The following MELK variants were observed in gnomAD, a reference collection of about 807,000 sequenced individuals.
MELK encodes pEg3 kinase.
Under a neutral mutation model 85.0 loss-of-function variants are expected in MELK, and 81 were observed. That is an observed-to-expected ratio of 0.95 (90% CI 0.80 to 1.15). MELK has a LOEUF of 1.15. Ranked by LOEUF, MELK falls within the 50% of genes most tolerant of loss-of-function variation. MELK has a pLI of 0.00. For missense variants in MELK, 754 were observed against 777.5 expected (o/e 0.97, Z 0.36); for synonymous variants, 252 against 265.0 (o/e 0.95, Z 0.48).
chr9:36,659,039 G>A lies in MELK; in HGVS notation c.1176+1676G>A, dbSNP rs148600421. Among the ~76,000 whole-genome samples, 338 of 152,082 alleles carry A rather than the reference G, an allele frequency of 2.2e-3. 1 individual carries two copies. Among genetic ancestry groups the A allele is most frequent in the African/African-American group, 7.3e-3 (305 of 41,502 alleles). On this transcript the variant is annotated intron_variant, in intron 13 of 17. Coordinates refer to ENST00000298048, the MANE Select transcript of MELK (RefSeq NM_014791.4). ...TGGGACTACAGGTGCCCGCCACCAC[G>A]CCTGGCTAATTTTTTGTATTTTTAG...
intron 4 of MELK, among the ~76,000 whole-genome samples, chr9:36,593,963 C>T (rs1370327176): frequency 8.5e-5 from 13 of 152,144 alleles, no homozygotes; most frequent in African/African-American, 2.9e-4. Context: ...TGAGCCACGG[C>T]GCCTGGCCAA....
chr9:36,648,730 A>G (rs1830438227), intron 11 of MELK, among the ~76,000 whole-genome samples: 1 of 152,246 alleles, frequency 6.6e-6, no homozygotes, highest in African/African-American at 2.4e-5. Context: ...ATCCTACTAT[A>G]TTAGTGGTTG....
At position 36,583,709 on chromosome 9, in the gene MELK, A is replaced by G. The variant is rs1163579354; in HGVS notation, c.141A>G (p.Leu47=). 1.2e-6 allele frequency: 2 copies of G among 1,600,128 alleles called. No individual in the cohort carries two copies. Among genetic ancestry groups the G allele is most frequent in the Non-Finnish European group, 1.7e-6 (2 of 1,168,486 alleles). The change falls in exon 3 of 18, where the codon CTA becomes CTG. Residue 47 remains leucine, a synonymous_variant. Coordinates refer to ENST00000298048, the MANE Select transcript of MELK (RefSeq NM_014791.4). ...VAIKIMDKNT[L]GSDLPRIKTE... Reference sequence around the variant, plus strand: ...TAAAAATCATGGATAAAAACACACTAGGGGTAAGTTTAGATTTATTTAAAA... The same window carrying G: ...TAAAAATCATGGATAAAAACACACTGGGGGTAAGTTTAGATTTATTTAAAA...
chr9:36,643,435 T>C (rs145844833), intron 11 of MELK, among the ~76,000 whole-genome samples: 1 of 152,290 alleles, frequency 6.6e-6, no homozygotes, highest in African/African-American at 2.4e-5. Flanking sequence ...TAGTATCTTT[T>C]GTTTCATTGT....
intron 2 of MELK, among the ~76,000 whole-genome samples, chr9:36,582,027 A>G (rs1822297893): frequency 6.8e-6 from 1 of 146,342 alleles, no homozygotes; most frequent in African/African-American, 2.5e-5. Context: ...GATGGAGTGC[A>G]GTGGCGCGAT....
At chr9:36,606,486 T>A (rs1825524290) in intron 7 of MELK, among the ~76,000 whole-genome samples, 1 of 142,820 alleles carries the variant, frequency 7.0e-6, no homozygotes, top group Non-Finnish European at 1.5e-5. Context: ...TACATATGTA[T>A]AGGTGTGTAT....
intron 13 of MELK, among the ~76,000 whole-genome samples, chr9:36,664,954 A>G (rs1587615025): frequency 6.6e-6 from 1 of 152,236 alleles, no homozygotes; most frequent in East Asian, 1.9e-4. Context: ...TTTATCCAAT[A>G]TTTCTGTTAG....
intron 8 of MELK, among the ~76,000 whole-genome samples, chr9:36,627,524 C>CTCT (rs761874079): frequency 1.5e-5 from 2 of 134,520 alleles, no homozygotes; most frequent in Admixed American, 7.6e-5. Context: ...CTCTCTCTCT[C>CTCT]TTTTTTTTTT....
intron 12 of MELK, among the ~76,000 whole-genome samples, chr9:36,652,248 T>C (rs1830782505): frequency 6.6e-6 from 1 of 150,740 alleles, no homozygotes; most frequent in South Asian, 2.1e-4. Flanking sequence ...GGTTTTGCCA[T>C]GTTGGCCAGG....
At chr9:36,657,200 A>G in intron 12 of MELK, 41 bp from the exon 13 acceptor site, 5 of 1,578,972 alleles carry the variant, frequency 3.2e-6, no homozygotes, top group African/African-American at 1.4e-5. Flanking sequence ...ATTGAATCAT[A>G]GTACTGTCAT....
intron 4 of MELK, among the ~76,000 whole-genome samples, chr9:36,593,417 C>T (rs964322772): frequency 6.6e-6 from 1 of 152,028 alleles, no homozygotes; most frequent in South Asian, 2.1e-4. Context: ...CTGTTTGCTC[C>T]CTTCCACCAT....
chr9:36,578,854 AT>A (rs1821905033), intron 1 of MELK, among the ~76,000 whole-genome samples: 1 of 151,902 alleles, frequency 6.6e-6, no homozygotes, highest in African/African-American at 2.4e-5. Flanking sequence ...AGTAATTATT[AT>A]TTTTTGAGAC....
At position 36,636,774 on chromosome 9, in the gene MELK, TTCTTTCTTTCTG is replaced by T. The variant is rs1385729948; in HGVS notation, c.834+3578_834+3589del. On this transcript the variant is annotated intron_variant, in intron 10 of 17. Coordinates refer to ENST00000298048, the MANE Select transcript of MELK (RefSeq NM_014791.4). ...TTTCTTTCTTTCTTTCTTTCTTTCTTTCTTTCTTTCTGTCTGTCTTTCTTTCTTTCTGTCTTT... is the reference window on the plus strand; with the variant it reads ...TTTCTTTCTTTCTTTCTTTCTTTCTTTCTGTCTTTCTTTCTTTCTGTCTTT... Among the ~76,000 whole-genome samples the T allele has an allele frequency of 9.3e-4, 99 of 105,956 alleles. 2 individuals are homozygous for T. Among genetic ancestry groups the T allele is most frequent in the South Asian group, 2.8e-4 (1 of 3,562 alleles). The allele number at this position is 105,956 out of a possible 152,430, so 69.5% of individuals were successfully genotyped here.
At chr9:36,608,417 G>GCA (rs1825769162) in intron 8 of MELK, among the ~76,000 whole-genome samples, 3 of 147,984 alleles carry the variant, frequency 2.0e-5, no homozygotes, top group Admixed American at 1.4e-4. Context: ...TCAAACTTGT[G>GCA]TATATATATA....
At chr9:36,600,854 A>G (rs1824847096) in intron 7 of MELK, among the ~76,000 whole-genome samples, 1 of 152,216 alleles carries the variant, frequency 6.6e-6, no homozygotes, top group Admixed American at 6.5e-5. Flanking sequence ...ACTTCATAAA[A>G]TGAGAAGATG....
intron 14 of MELK, among the ~76,000 whole-genome samples, chr9:36,668,604 C>G (rs1399069760): frequency 1.8e-5 from 1 of 55,142 alleles, no homozygotes; most frequent in Admixed American, 2.7e-4. Flanking sequence ...CATCTGCCTA[C>G]TGGGTTCAAG....
intron 3 of MELK, among the ~76,000 whole-genome samples, chr9:36,584,551 T>C: frequency 6.8e-6 from 1 of 146,994 alleles, no homozygotes; most frequent in Non-Finnish European, 1.5e-5. Flanking sequence ...GCCAGGATGG[T>C]CTCGATCTCC....
rs555759038 is a variant in MELK at position 36,624,907 on chromosome 9, A to G, written c.667-5392A>G. On this transcript the variant is annotated intron_variant, in intron 8 of 17. Coordinates refer to ENST00000298048, the MANE Select transcript of MELK (RefSeq NM_014791.4). ...CAGACCAGAAAGGGCTGAAACCTGG[A>G]ATCAGACTTGTCCTTGAGGTGGACA... 2.6e-5 allele frequency among the ~76,000 whole-genome samples: 4 copies of G among 151,974 alleles called. No homozygotes were observed. In the South Asian group the frequency reaches 8.3e-4, roughly 32 times the overall value.
chr9:36,622,342 A>G (rs570432488), intron 8 of MELK, among the ~76,000 whole-genome samples: 1 of 152,272 alleles, frequency 6.6e-6, no homozygotes, highest in African/African-American at 2.4e-5. Context: ...CTTTGCCTAG[A>G]ATGTTCTAAA....
Sources: gnomAD v4.1 joint callset for allele counts (sites outside exome capture counted in the v4.1 genomes callset) on GRCh38, gnomAD v4.1.1 for gene constraint, MANE v1.5 for transcripts, NCBI Gene and HGNC (gene_info 2026-07-23, HGNC 2026-07-21) for gene names.